ADGRB1: variants seen among roughly 807,000 people sequenced by gnomAD.
ADGRB1 encodes brain-specific angiogenesis inhibitor 1.
Under a neutral mutation model 175.7 loss-of-function variants are expected in ADGRB1, and 36 were observed. The ratio of observed to expected loss-of-function variants is 0.20; its 90% confidence interval spans 0.16 to 0.27. The LOEUF is 0.27. ADGRB1 is among the 10% of genes least tolerant of loss of function. The pLI is 1.00. For synonymous variants in ADGRB1, 1,054 were observed against 979.4 expected (o/e 1.08, Z -1.42); for missense variants, 1,731 against 2,255.3 (o/e 0.77, Z 4.71).
rs1025359773 is a variant in ADGRB1 at position 142,544,597 on chromosome 8, G to T, written c.*180G>T. On this transcript the variant is annotated 3_prime_UTR_variant, in exon 31 of 31. Coordinates refer to ENST00000517894, the MANE Select transcript of ADGRB1 (RefSeq NM_001702.3). Reference sequence around the variant, plus strand: ...GTGCTGGGACCAGAGCCAGATGCAGGACAGGAGGCGGCCCGGCCAGCGGGC... The same window carrying T: ...GTGCTGGGACCAGAGCCAGATGCAGTACAGGAGGCGGCCCGGCCAGCGGGC... The T allele has an allele frequency of 2.9e-6, 2 of 693,922 alleles. No individual in the cohort carries two copies. Among genetic ancestry groups the T allele is most frequent in the Non-Finnish European group, 2.1e-6 (1 of 478,310 alleles). 43.0% of individuals were successfully genotyped at this position (693,922 alleles called of 1,614,324 possible).
chr8:142,449,755 G>A lies in ADGRB1; in HGVS notation c.-569G>A, dbSNP rs1328654506. 6 of 146,870 alleles carry A rather than the reference G, an allele frequency of 4.1e-5. No individual in the cohort carries two copies. The highest frequency in any genetic ancestry group is 1.5e-4 in the African/African-American group (6 of 40,708). The allele number at this position is 146,870 out of a possible 1,614,324, so 9.1% of individuals were successfully genotyped here. On this transcript the variant is annotated 5_prime_UTR_variant, in exon 1 of 31. Coordinates refer to ENST00000517894, the MANE Select transcript of ADGRB1 (RefSeq NM_001702.3). ...CGCGGCGTTGGCGGCGGCCCCGGCG[G>A]AGCGAGCGCGGAGCCGGAGAGCCGG...
chr8:142,489,470 C>T (rs1386108880), intron 16 of ADGRB1, 32 bp downstream of exon 16: 1 of 1,600,528 alleles, frequency 6.2e-7, no homozygotes, highest in East Asian at 2.2e-5. Flanking sequence ...ACTCTGATGC[C>T]AGCAGAAACG....
intron 9 of ADGRB1, among the ~76,000 whole-genome samples, chr8:142,480,067 C>A (rs1473530568): frequency 6.6e-6 from 1 of 152,208 alleles, no homozygotes; most frequent in East Asian, 1.9e-4. Context: ...AAGCCGCCAC[C>A]ATTTACAGCT....
chr8:142,523,410 G>A (rs989434546), intron 22 of ADGRB1, among the ~76,000 whole-genome samples: 96 of 152,022 alleles, frequency 6.3e-4, no homozygotes, highest in Non-Finnish European at 1.2e-3. Flanking sequence ...TGGGAGGGCG[G>A]AGCAGGCCTG....
In ADGRB1 at chr8:142,481,239, G is replaced by A. The variant is rs746147868; in HGVS notation, c.1829-15G>A. On this transcript the variant is annotated splice_polypyrimidine_tract_variant and intron_variant, in intron 9 of 30. Transcript: ENST00000517894. ...GGCAGCGGGCATCCACCTGAGAAGG[G>A]GATGGTCTCCCCAGGACTCATCCTG... is the stretch of plus-strand genomic sequence containing the variant. 38 of 1,612,300 alleles carry A rather than the reference G, an allele frequency of 2.4e-5. No homozygotes were observed. The highest frequency in any genetic ancestry group is 3.1e-5 in the Non-Finnish European group (36 of 1,178,810).
chr8:142,528,111 A>G (rs1012497245), intron 24 of ADGRB1, among the ~76,000 whole-genome samples: 1 of 152,190 alleles, frequency 6.6e-6, no homozygotes, highest in African/African-American at 2.4e-5. Flanking sequence ...ACACCGGTCT[A>G]TGTGTGCACG....
chr8:142,462,267 C>T (rs956255699), intron 1 of ADGRB1, among the ~76,000 whole-genome samples: 2 of 152,230 alleles, frequency 1.3e-5, no homozygotes, highest in Admixed American at 1.3e-4. Context: ...CATGTCTGTT[C>T]CCAGATCCAG....
rs1465667770 is a variant in ADGRB1, at chr8:142,520,986, C to T, written c.3024+61C>T. On this transcript the variant is annotated intron_variant, in intron 20 of 30. Transcript: ENST00000517894. ...CATCCTCGGGTGGTGAGGATGGACCCCAGGAGGGGCCTGGACCGTGGGATC... is the reference window on the plus strand; with the variant it reads ...CATCCTCGGGTGGTGAGGATGGACCTCAGGAGGGGCCTGGACCGTGGGATC... 4.0e-6 allele frequency: 6 copies of T among 1,497,218 alleles called. No homozygotes were observed. The African/African-American group carries it at 5.5e-5, about 14-fold the overall frequency. The allele number at this position is 1,497,218 out of a possible 1,614,324, so 92.7% of individuals were successfully genotyped here. A position where few individuals can be genotyped will look rare whatever the true frequency, so the allele number is the denominator to read the frequency against.
At chr8:142,476,521 G>T (rs536797283) in intron 3 of ADGRB1, 64 bp from the exon 4 acceptor site, 30 of 1,442,280 alleles carry the variant, frequency 2.1e-5, no homozygotes, top group Admixed American at 9.9e-5. Flanking sequence ...AGAGCACTGT[G>T]GCCACAGAGA....
chr8:142,525,426 G>A (rs1040683786), intron 23 of ADGRB1, among the ~76,000 whole-genome samples: 7 of 152,082 alleles, frequency 4.6e-5, no homozygotes, highest in East Asian at 3.9e-4. Flanking sequence ...TGTGGGACCC[G>A]AGCCCCAGCA....
At chr8:142,507,133 G>A (rs187123190) in intron 17 of ADGRB1, among the ~76,000 whole-genome samples, 9 of 152,334 alleles carry the variant, frequency 5.9e-5, no homozygotes, top group South Asian at 2.1e-4. Context: ...CTGACCTAAG[G>A]GTTCCTGCAG....
At chr8:142,516,511 T>C (rs1208040381) in intron 18 of ADGRB1, among the ~76,000 whole-genome samples, 1 of 138,458 alleles carries the variant, frequency 7.2e-6, no homozygotes, top group Non-Finnish European at 1.5e-5. Context: ...CCCAGGTGCG[T>C]GCGTGTGCGG....
rs1235503351 is a variant in ADGRB1 at position 142,493,811 on chromosome 8, C to T, written c.2675+2996C>T. ...GAAGGACTGGGACTGACCTCGGTCCCCTTCCTTCTGCCCCTCACCTCCCCT... is the reference window on the plus strand; with the variant it reads ...GAAGGACTGGGACTGACCTCGGTCCTCTTCCTTCTGCCCCTCACCTCCCCT... On this transcript the variant is annotated intron_variant, in intron 17 of 30. Coordinates refer to ENST00000517894, the MANE Select transcript of ADGRB1 (RefSeq NM_001702.3). This position sits in a 1 kb window ranked among gnomAD's most constrained non-coding sequence, Gnocchi z 5.0. Among the ~76,000 whole-genome samples the T allele has an allele frequency of 6.6e-6, 1 of 152,210 alleles. No homozygotes were observed. Among genetic ancestry groups the T allele is most frequent in the Non-Finnish European group, 1.5e-5 (1 of 68,036 alleles).
At chr8:142,452,569 C>CCAGCCCCCTT (rs1253262644) in intron 1 of ADGRB1, among the ~76,000 whole-genome samples, 1 of 152,190 alleles carries the variant, frequency 6.6e-6, no homozygotes, top group African/African-American at 2.4e-5. Context: ...CGGATCCCTT[C>CCAGCCCCCTT]CAGCCCCCGA....
intron 1 of ADGRB1, among the ~76,000 whole-genome samples, chr8:142,460,190 G>A (rs1336801524): frequency 6.6e-6 from 1 of 152,262 alleles, no homozygotes; most frequent in Non-Finnish European, 1.5e-5. Flanking sequence ...CCCGTTGGAG[G>A]GTGGCGGGCA....
rs1587378229 is a variant in ADGRB1, at chr8:142,511,401, C to A, written c.2817+328C>A. Among the ~76,000 whole-genome samples the A allele has an allele frequency of 6.6e-6, 1 of 152,088 alleles. No individual in the cohort carries two copies. The highest frequency in any genetic ancestry group is 1.5e-5 in the Non-Finnish European group (1 of 67,996). ...GCCTGGGCCTGGGGAGAGGCTGGGT[C>A]CTGAGCCGGGGGCTGGGAGGCGTCG... On this transcript the variant is annotated intron_variant, in intron 18 of 30. Coordinates refer to ENST00000517894, the MANE Select transcript of ADGRB1 (RefSeq NM_001702.3). The surrounding 1 kb of genome is among the most constrained non-coding windows in gnomAD (Gnocchi z 4.5).
At chr8:142,486,734 TGAG>T (rs928372288) in intron 13 of ADGRB1, among the ~76,000 whole-genome samples, 1 of 152,202 alleles carries the variant, frequency 6.6e-6, no homozygotes. Context: ...AATTAAAGAC[TGAG>T]GTTAGGCACA....
intron 14 of ADGRB1, 112 bp from the exon 15 acceptor site, chr8:142,488,923 A>C: frequency 1.1e-5 from 15 of 1,328,494 alleles, no homozygotes; most frequent in Non-Finnish European, 1.6e-5. Flanking sequence ...CCTGGACGCG[A>C]CCTTGAAGAT....
At chr8:142,500,518 G>A (rs372233529) in intron 17 of ADGRB1, among the ~76,000 whole-genome samples, 6 of 151,430 alleles carry the variant, frequency 4.0e-5, no homozygotes, top group East Asian at 2.0e-4. Context: ...TCCAGGCCAC[G>A]GGGATGGGCC....
Sources: allele counts gnomAD v4.1 joint callset (sites outside exome capture counted in the v4.1 genomes callset), GRCh38; gene constraint gnomAD v4.1.1; non-coding constraint Gnocchi (gnomAD v3.1); transcripts MANE v1.5; gene names NCBI Gene and HGNC (gene_info 2026-07-23, HGNC 2026-07-21).